Variants in FBN2 observed in about 807,000 individuals in gnomAD.
The protein encoded by FBN2 is fibrillin 2.
In FBN2, 105 loss-of-function variants were observed where a neutral mutation model predicts 355.6. The observed-to-expected ratio is 0.30, with a 90% CI of 0.25 to 0.35. The LOEUF is 0.35. FBN2 is among the 10% of genes least tolerant of loss of function. The pLI is 1.00. For missense variants in FBN2, 3,280 were observed against 3,758.7 expected (o/e 0.87, Z 3.33); for synonymous variants, 1,350 against 1,301.2 (o/e 1.04, Z -0.81).
chr5:128,477,621 A>G (rs1581330683), intron 5 of FBN2, among the ~76,000 whole-genome samples: 1 of 152,356 alleles, frequency 6.6e-6, no homozygotes, highest in East Asian at 1.9e-4. Context: ...GTATTTGGTC[A>G]GCATGAATAG....
At chr5:128,465,008 T>G in intron 5 of FBN2, 87 bp from the exon 6 acceptor site, 1 of 1,279,192 alleles carries the variant, frequency 7.8e-7, no homozygotes, top group Admixed American at 1.7e-5. Flanking sequence ...AAACAGAGAC[T>G]ATTTCTTCTG....
intron 5 of FBN2, among the ~76,000 whole-genome samples, chr5:128,471,595 C>G (rs1209298906): frequency 6.6e-6 from 1 of 151,916 alleles, no homozygotes; most frequent in Non-Finnish European, 1.5e-5. Context: ...TATTATGTAC[C>G]TGTAATGCCT....
At chr5:128,349,848 G>T in intron 22 of FBN2, 107 bp downstream of exon 22, 1 of 869,382 alleles carries the variant, frequency 1.2e-6, no homozygotes. Context: ...TTATTGAAAT[G>T]TCAAGGTTTT....
chr5:128,388,570 T>C (rs1752426354), intron 11 of FBN2, among the ~76,000 whole-genome samples: 1 of 152,204 alleles, frequency 6.6e-6, no homozygotes, highest in Non-Finnish European at 1.5e-5. Flanking sequence ...GTCTGAAAAA[T>C]ATTTTATTTC....
At chr5:128,298,181 T>G (rs1412129104) in intron 48 of FBN2, among the ~76,000 whole-genome samples, 1 of 152,078 alleles carries the variant, frequency 6.6e-6, no homozygotes, top group Non-Finnish European at 1.5e-5. Context: ...CTCTTCTGGC[T>G]TGTAGAGTTT....
At position 128,369,275 on chromosome 5, in the gene FBN2, A is replaced by G. The variant is rs863223557; in HGVS notation, c.2155T>C (p.Phe719Leu). 8 of 1,614,150 alleles carry G rather than the reference A, an allele frequency of 5.0e-6. No individual in the cohort carries two copies. The highest frequency in any genetic ancestry group is 6.8e-6 in the Non-Finnish European group (8 of 1,180,010). ...GIKKGVCVRP[F>L]PGAVTKSECC... The stretch of plus-strand genomic sequence containing the variant: ...TCGGACTTGGTCACTGCACCGGGGA[A>G]AGGACGCACACACACTCCTTTCTTG... The change falls in exon 16 of 65, where the codon TTC (phenylalanine) becomes CTC (leucine). Residue 719 changes from phenylalanine (F) to leucine (L), a missense_variant. Physicochemically the swap from Phe to Leu is conservative, Grantham distance 22. This residue lies in a region of FBN2 where 2,284 missense variants were observed against 2,749.5 expected (regional missense o/e 0.83). Transcript: ENST00000262464.
intron 34 of FBN2, among the ~76,000 whole-genome samples, chr5:128,327,343 T>C (rs947189581): frequency 2.0e-5 from 3 of 152,148 alleles, no homozygotes; most frequent in Admixed American, 2.0e-4. Context: ...ACTTTCTTTC[T>C]TCAGTGCCAC....
At chr5:128,521,997 G>T (rs1047073389) in intron 4 of FBN2, among the ~76,000 whole-genome samples, 1 of 151,600 alleles carries the variant, frequency 6.6e-6, no homozygotes, top group African/African-American at 2.4e-5. Context: ...TTATAATATG[G>T]GTTTCTTGTT....
intron 5 of FBN2, among the ~76,000 whole-genome samples, chr5:128,480,581 G>A (rs988478527): frequency 1.3e-5 from 2 of 152,148 alleles, no homozygotes; most frequent in African/African-American, 4.8e-5. Context: ...ATGAGGGCGG[G>A]TGTGTGTAAT....
At chr5:128,335,330 A>C in intron 29 of FBN2, 35 bp from the exon 30 acceptor site, 2 of 1,614,038 alleles carry the variant, frequency 1.2e-6, no homozygotes, top group Non-Finnish European at 1.7e-6. Context: ...ATGAAAATAA[A>C]AATGTCGTTC....
At chr5:128,360,104 C>G (rs940365758) in intron 19 of FBN2, among the ~76,000 whole-genome samples, 1 of 152,074 alleles carries the variant, frequency 6.6e-6, no homozygotes, top group Non-Finnish European at 1.5e-5. Flanking sequence ...AGCTTATCCT[C>G]CAACAGACAA....
At chr5:128,326,678 C>T (rs1357594473) in intron 34 of FBN2, among the ~76,000 whole-genome samples, 1 of 152,078 alleles carries the variant, frequency 6.6e-6, no homozygotes, top group Non-Finnish European at 1.5e-5. Flanking sequence ...GAGAGAAAAA[C>T]AAGGAGAATG....
chr5:128,477,124 T>C (rs577926135), intron 5 of FBN2, among the ~76,000 whole-genome samples: 73 of 152,362 alleles, frequency 4.8e-4, no homozygotes, highest in African/African-American at 1.7e-3. Context: ...TAGCCACATG[T>C]GGTTTTCTAA....
At chr5:128,469,676 A>T (rs1178134357) in intron 5 of FBN2, among the ~76,000 whole-genome samples, 1 of 152,196 alleles carries the variant, frequency 6.6e-6, no homozygotes, top group Non-Finnish European at 1.5e-5. Flanking sequence ...TGGAACCAGA[A>T]ATTGTACAGG....
intron 45 of FBN2, 34 bp downstream of exon 45, chr5:128,304,923 C>T: frequency 6.2e-7 from 1 of 1,613,690 alleles, no homozygotes; most frequent in East Asian, 2.2e-5. Flanking sequence ...ACCCCAGCCC[C>T]ACTTCACTCC....
chr5:128,518,595 C>G (rs1282557179), intron 5 of FBN2, among the ~76,000 whole-genome samples: 1 of 152,150 alleles, frequency 6.6e-6, no homozygotes, highest in African/African-American at 2.4e-5. Context: ...TTTAAAAACT[C>G]AAGCTTAAAC....
chr5:128,364,893 T>G (rs768061139), intron 17 of FBN2, among the ~76,000 whole-genome samples, 168 bp from the exon 18 acceptor site: 3 of 151,998 alleles, frequency 2.0e-5, no homozygotes, highest in Non-Finnish European at 4.4e-5. Flanking sequence ...AGTAAGAAAA[T>G]AAAACTGAAA....
intron 5 of FBN2, among the ~76,000 whole-genome samples, chr5:128,482,252 G>A (rs1307725897): frequency 6.6e-6 from 1 of 151,998 alleles, no homozygotes; most frequent in Non-Finnish European, 1.5e-5. Context: ...CTGAGTCTTG[G>A]TGGGAGAAAC....
intron 5 of FBN2, among the ~76,000 whole-genome samples, chr5:128,479,974 CTCTATATATATATA>C (rs1351273482): frequency 4.1e-3 from 71 of 17,210 alleles, no homozygotes; most frequent in African/African-American, 9.4e-3. Context: ...CTCTCTCTCT[CTCTATATATATATA>C]TATATATATA....
Sources: gnomAD v4.1 joint callset for allele counts (sites outside exome capture counted in the v4.1 genomes callset) on GRCh38, gnomAD v4.1.1 for gene constraint, gnomAD v4.1.1 regional missense constraint, MANE v1.5 for transcripts, NCBI Gene and HGNC (gene_info 2026-07-23, HGNC 2026-07-21) for gene names.